The following TOM1 variants were observed in gnomAD, a reference collection of about 807,000 sequenced individuals.
The protein encoded by TOM1 is target of Myb protein 1.
Under a neutral mutation model 61.3 loss-of-function variants are expected in TOM1, and 38 were observed. The ratio of observed to expected loss-of-function variants is 0.62; its 90% CI spans 0.48 to 0.81. The LOEUF is 0.81. Among genes scored for constraint, TOM1 ranks in the 40% least tolerant of loss-of-function variants. The pLI is 0.00. For synonymous variants in TOM1, 270 were observed against 268.8 expected (o/e 1.00, Z -0.04); for missense variants, 591 against 659.6 (o/e 0.90, Z 1.14).
chr22:35,333,318 C>G lies in TOM1; in HGVS notation c.934-86C>G, dbSNP rs376245725. 15 of 1,298,454 alleles carry G rather than the reference C, an allele frequency of 1.2e-5. No homozygotes were observed. The African/African-American group carries it at 1.2e-4, about 10-fold the overall frequency. The allele number at this position is 1,298,454 out of a possible 1,614,324, so 80.4% of individuals were successfully genotyped here. A position where few individuals can be genotyped will look rare whatever the true frequency, so the allele number is the denominator to read the frequency against. On this transcript the variant is annotated intron_variant, in intron 9 of 14. Transcript: ENST00000449058. ...GGGGCCCTGGTGACAGATCCCTGGG[C>G]AAAGCCTGCAAGCCACAGTGCTTGG...
At chr22:35,327,217 A>T (rs1928400660) in intron 6 of TOM1, 54 bp from the exon 7 acceptor site, 2 of 1,552,054 alleles carry the variant, frequency 1.3e-6, no homozygotes, top group Admixed American at 3.3e-5. Context: ...CGCTGTGAGT[A>T]ACATGGGCCC....
intron 2 of TOM1, 126 bp downstream of exon 2, chr22:35,318,087 A>T (rs1927464487): frequency 2.4e-6 from 2 of 843,912 alleles, no homozygotes; most frequent in Admixed American, 1.9e-5. Flanking sequence ...GTCTGACCCA[A>T]CCCGCTTGGC....
intron 1 of TOM1, among the ~76,000 whole-genome samples, chr22:35,315,576 G>A (rs1026635279): frequency 6.6e-6 from 1 of 152,190 alleles, no homozygotes; most frequent in Non-Finnish European, 1.5e-5. Flanking sequence ...CCTGTCAGAG[G>A]AGCTTTCCTC....
chr22:35,322,941 G>C, intron 3 of TOM1, 87 bp from the exon 4 acceptor site: 2 of 1,522,550 alleles, frequency 1.3e-6, no homozygotes, highest in Non-Finnish European at 1.8e-6. Flanking sequence ...CTCCTCTCTG[G>C]GACACAGGAG....
chr22:35,328,537 C>G (rs1928537756), intron 7 of TOM1, among the ~76,000 whole-genome samples: 1 of 152,220 alleles, frequency 6.6e-6, no homozygotes, highest in African/African-American at 2.4e-5. Flanking sequence ...CGATTTGAAC[C>G]CGGGGGCCTG....
At chr22:35,345,486 C>G in intron 12 of TOM1, 3 of 586,752 alleles carry the variant, frequency 5.1e-6, no homozygotes, top group Middle Eastern at 4.6e-4. Flanking sequence ...GGAAGGAGCT[C>G]CCTCTGACCC....
chr22:35,309,559 G>T (rs894275652), intron 1 of TOM1, among the ~76,000 whole-genome samples: 4 of 150,990 alleles, frequency 2.6e-5, no homozygotes, highest in African/African-American at 7.3e-5. Context: ...CAGGAGAATC[G>T]CTTGAACCGG....
rs762272840 is a variant in TOM1 at position 35,323,644 on chromosome 22, C to T, written c.501+14C>T. ...ACACCCCAGAGGGTGAGAGAACTGC[C>T]GTACCGGGAACCAAGGGAAGGGAGG... is the stretch of plus-strand genomic sequence containing the variant. On this transcript the variant is annotated intron_variant, in intron 5 of 14. Transcript: ENST00000449058. The surrounding 1 kb of genome is among the most constrained non-coding windows in gnomAD (Gnocchi z 4.2). 9.3e-6 allele frequency: 15 copies of T among 1,613,986 alleles called. No homozygotes were observed. Among genetic ancestry groups the T allele is most frequent in the East Asian group, 2.2e-5 (1 of 44,874 alleles).
chr22:35,319,274 C>T (rs1400904753), intron 2 of TOM1, among the ~76,000 whole-genome samples: 1 of 152,110 alleles, frequency 6.6e-6, no homozygotes, highest in East Asian at 1.9e-4. Context: ...ACAGGCTCGG[C>T]GTCGGTCAGG....
chr22:35,299,686 A>AC, upstream of TOM1: 1 of 551,832 alleles, frequency 1.8e-6, no homozygotes, highest in African/African-American at 2.0e-5. Flanking sequence ...CCGGGCCCCG[A>AC]CCCCAGACCC....
chr22:35,333,524 T>C (rs779003638), intron 10 of TOM1, 27 bp downstream of exon 10: 5 of 1,606,926 alleles, frequency 3.1e-6, no homozygotes, highest in Non-Finnish European at 4.3e-6. Context: ...GGGCTCCAGC[T>C]GAGGGTACAT....
At chr22:35,335,327 G>A (rs1400014553) in intron 11 of TOM1, among the ~76,000 whole-genome samples, 1 of 152,176 alleles carries the variant, frequency 6.6e-6, no homozygotes, top group Non-Finnish European at 1.5e-5. Flanking sequence ...CCTCCAGAGA[G>A]CCCAGGGATA....
Position 35,323,260 on chromosome 22 carries a change from C to G in TOM1, c.366+83C>G. The G allele has an allele frequency of 6.5e-7, 1 of 1,536,720 alleles. No homozygotes were observed. The highest frequency in any genetic ancestry group is 2.3e-5 in the East Asian group (1 of 44,146). ...CTGCCCAGTGGAGAGTCGAGGCCAT[C>G]GTGTTTGTCCCAGGCTCCGCTTCTC... is the stretch of plus-strand genomic sequence containing the variant. On this transcript the variant is annotated intron_variant, in intron 4 of 14. Coordinates refer to ENST00000449058, the MANE Select transcript of TOM1 (RefSeq NM_005488.3). The surrounding 1 kb of genome is among the most constrained non-coding windows in gnomAD (Gnocchi z 4.2).
In TOM1 at chr22:35,329,656, A is replaced by G. The variant is rs114276307; in HGVS notation, c.766-691A>G. On this transcript the variant is annotated intron_variant, in intron 7 of 14. Transcript: ENST00000449058. ...GTTGCAGTCATCTAGTTCATTCTGT[A>G]TGCTTTGGTTGCAAAAATCACAGCA... 2.8e-3 allele frequency among the ~76,000 whole-genome samples: 428 copies of G among 152,332 alleles called. 1 individual carries two copies. The highest frequency in any genetic ancestry group is 1.0e-2 in the African/African-American group (414 of 41,564).
chr22:35,330,260 C>T (rs547923097), intron 7 of TOM1, 87 bp from the exon 8 acceptor site: 8 of 1,397,644 alleles, frequency 5.7e-6, no homozygotes, highest in Admixed American at 4.2e-5. Flanking sequence ...CCAGCCTGGG[C>T]GACAGAGCTC....
In TOM1 at chr22:35,327,260, G is replaced by C; in HGVS notation, c.649-11G>C. On this transcript the variant is annotated splice_polypyrimidine_tract_variant and intron_variant, in intron 6 of 14. Coordinates refer to ENST00000449058, the MANE Select transcript of TOM1 (RefSeq NM_005488.3). ...CTGGCTTCTCTCACCACGATCAACT[G>C]TGTGTTTCAGATTGGGAAGCTGCGC... is the stretch of plus-strand genomic sequence containing the variant. The C allele has an allele frequency of 6.2e-7, 1 of 1,612,508 alleles. No individual in the cohort carries two copies. The highest frequency in any genetic ancestry group is 1.1e-5 in the South Asian group (1 of 91,052).
In TOM1 at chr22:35,341,303, C is replaced by T. The variant is rs1257847674; in HGVS notation, c.1224+2515C>T. 2.0e-5 allele frequency among the ~76,000 whole-genome samples: 3 copies of T among 152,196 alleles called. No individual in the cohort carries two copies. The East Asian group carries it at 5.8e-4, about 29-fold the overall frequency. On this transcript the variant is annotated intron_variant, in intron 12 of 14. Transcript: ENST00000449058. ...ACACTACGGTATTACGGCACTTACG[C>T]TTCGCAGTACCGCCATGTCCTCATC...
At chr22:35,333,531 A>T (rs1437583564) in intron 10 of TOM1, 34 bp downstream of exon 10, 5 of 1,595,548 alleles carry the variant, frequency 3.1e-6, no homozygotes, top group Non-Finnish European at 4.3e-6. Context: ...AGCTGAGGGT[A>T]CATTATGGTA....
Position 35,299,994 on chromosome 22 carries a change from G to A in TOM1, c.52+14G>A, listed in dbSNP as rs750123288. ...GACAGCGCATCGGTGAGTCCCTGGAGCCCCCCACAGCTCCGCCCCGGTGCT... is the reference window on the plus strand; with the variant it reads ...GACAGCGCATCGGTGAGTCCCTGGAACCCCCCACAGCTCCGCCCCGGTGCT... On this transcript the variant is annotated intron_variant, in intron 1 of 14. Coordinates refer to ENST00000449058, the MANE Select transcript of TOM1 (RefSeq NM_005488.3). 1.3e-6 allele frequency: 2 copies of A among 1,562,870 alleles called. No homozygotes were observed. Among genetic ancestry groups the A allele is most frequent in the East Asian group, 2.4e-5 (1 of 41,970 alleles).
Sources: allele counts gnomAD v4.1 joint callset (sites outside exome capture counted in the v4.1 genomes callset), GRCh38; gene constraint gnomAD v4.1.1; non-coding constraint Gnocchi (gnomAD v3.1); transcripts MANE v1.5; gene names NCBI Gene and HGNC (gene_info 2026-07-23, HGNC 2026-07-21).